The following CYP2C18 variants were observed in gnomAD, a reference collection of about 807,000 sequenced individuals.
The protein encoded by CYP2C18 is cytochrome P450 2C18.
A neutral mutation model predicts 41.3 loss-of-function variants in CYP2C18; 38 were observed. The observed-to-expected ratio is 0.92, with a 90% CI of 0.71 to 1.21. The LOEUF (loss-of-function observed/expected upper bound fraction) is 1.21, where lower values mean the gene tolerates loss of function less well. Among genes scored for constraint, CYP2C18 ranks in the 50% most tolerant of loss-of-function variants. The pLI is 0.00. For synonymous variants in CYP2C18, 236 were observed against 210.0 expected (o/e 1.12, Z -1.07); for missense variants, 635 against 591.4 (o/e 1.07, Z -0.77).
chr10:94,699,526 G>T (rs190005280), intron 4 of CYP2C18, among the ~76,000 whole-genome samples: 1 of 152,070 alleles, frequency 6.6e-6, no homozygotes, highest in Admixed American at 6.6e-5. Flanking sequence ...TGATCATACC[G>T]AATGGGCACA....
chr10:94,706,983 G>A (rs1564642871), intron 5 of CYP2C18, 23 bp downstream of exon 5: 13 of 1,590,354 alleles, frequency 8.2e-6, no homozygotes, highest in Non-Finnish European at 8.5e-6. Flanking sequence ...TTGTTTGCCT[G>A]CATCTTGTGG....
chr10:94,702,431 C>T (rs1173667111), intron 4 of CYP2C18, among the ~76,000 whole-genome samples: 1 of 151,880 alleles, frequency 6.6e-6, no homozygotes, highest in African/African-American at 2.4e-5. Flanking sequence ...TTTGTTCGCT[C>T]CTTTTCATTC....
chr10:94,698,048 C>T (rs1298009395), intron 4 of CYP2C18, among the ~76,000 whole-genome samples: 1 of 152,120 alleles, frequency 6.6e-6, no homozygotes, highest in Non-Finnish European at 1.5e-5. Flanking sequence ...TTTAACACCC[C>T]ACTGTCAACA....
intron 3 of CYP2C18, among the ~76,000 whole-genome samples, chr10:94,691,097 C>G (rs1163661489): frequency 6.6e-6 from 1 of 152,150 alleles, no homozygotes; most frequent in African/African-American, 2.4e-5. Flanking sequence ...GAAGCATTCC[C>G]TTTGAAAACT....
chr10:94,720,544 T>C lies in CYP2C18; in HGVS notation c.961+7T>C, dbSNP rs1217066346. ...AAGTACCCAGAGGTCACAGGTATGA[T>C]GATACCATAGGTGAGCAGGGTGATT... On this transcript the variant is annotated splice_region_variant and intron_variant, in intron 6 of 8. Transcript: ENST00000285979. 8.1e-6 allele frequency: 13 copies of C among 1,611,740 alleles called. No individual in the cohort carries two copies. The highest frequency in any genetic ancestry group is 1.1e-5 in the Non-Finnish European group (13 of 1,178,850).
chr10:94,704,087 G>T (rs1847293400), intron 4 of CYP2C18, among the ~76,000 whole-genome samples: 1 of 152,102 alleles, frequency 6.6e-6, no homozygotes, highest in South Asian at 2.1e-4. Flanking sequence ...CCAGTGAGAT[G>T]AACCGGGCAC....
chr10:94,726,865 T>A (rs117496532), intron 7 of CYP2C18, among the ~76,000 whole-genome samples: 1 of 152,210 alleles, frequency 6.6e-6, no homozygotes, highest in East Asian at 1.9e-4. Context: ...TATAAAGAAA[T>A]AAAATAATGA....
At chr10:94,698,623 C>G (rs537038889) in intron 4 of CYP2C18, among the ~76,000 whole-genome samples, 2 of 152,222 alleles carry the variant, frequency 1.3e-5, no homozygotes, top group East Asian at 3.9e-4. Flanking sequence ...CAAGAAATAA[C>G]TAAGATCAGA....
intron 5 of CYP2C18, among the ~76,000 whole-genome samples, chr10:94,708,637 A>G (rs1204240141): frequency 6.6e-6 from 1 of 152,188 alleles, no homozygotes; most frequent in Non-Finnish European, 1.5e-5. Flanking sequence ...ATACAATTCA[A>G]CAGTTTTAGT....
chr10:94,707,397 G>C (rs1564642989), intron 5 of CYP2C18, among the ~76,000 whole-genome samples: 4 of 152,112 alleles, frequency 2.6e-5, no homozygotes. Context: ...GTGCAGAACA[G>C]TGTGATGACA....
intron 5 of CYP2C18, among the ~76,000 whole-genome samples, chr10:94,715,721 C>G (rs1053191422): frequency 1.3e-5 from 2 of 152,286 alleles, no homozygotes; most frequent in East Asian, 3.9e-4. Context: ...AGGATTCCCT[C>G]TTTTTCTATT....
At chr10:94,713,098 A>G (rs777996714) in intron 5 of CYP2C18, among the ~76,000 whole-genome samples, 1 of 152,054 alleles carries the variant, frequency 6.6e-6, no homozygotes, top group African/African-American at 2.4e-5. Flanking sequence ...CTGTGTGTAT[A>G]TAGTTTTTAA....
chr10:94,707,680 A>AT (rs1471721384), intron 5 of CYP2C18, among the ~76,000 whole-genome samples: 1 of 152,198 alleles, frequency 6.6e-6, no homozygotes, highest in African/African-American at 2.4e-5. Flanking sequence ...CATTTCATAT[A>AT]TTTGAAGTTC....
intron 7 of CYP2C18, among the ~76,000 whole-genome samples, chr10:94,726,201 ATTT>A (rs5787120): frequency 6.6e-6 from 1 of 150,528 alleles, no homozygotes; most frequent in African/African-American, 2.4e-5. Flanking sequence ...TTTTTTTTCA[ATTT>A]TTTTTTTATT....
At chr10:94,714,125 G>T (rs1402252752) in intron 5 of CYP2C18, among the ~76,000 whole-genome samples, 1 of 151,944 alleles carries the variant, frequency 6.6e-6, no homozygotes, top group East Asian at 1.9e-4. Flanking sequence ...CATTCTTTAG[G>T]TTGCCTATTC....
chr10:94,701,108 C>T (rs1235294168), intron 4 of CYP2C18, among the ~76,000 whole-genome samples: 2 of 152,210 alleles, frequency 1.3e-5, no homozygotes, highest in African/African-American at 4.8e-5. Context: ...ACCCAGCCTT[C>T]CCATTACTGG....
At chr10:94,684,407 G>C (rs778960688) in intron 1 of CYP2C18, among the ~76,000 whole-genome samples, 6 of 152,050 alleles carry the variant, frequency 3.9e-5, no homozygotes, top group Non-Finnish European at 7.4e-5. Flanking sequence ...ACTTCTCTGA[G>C]TTTAACTTTT....
At chr10:94,727,668 A>G (rs868227796) in intron 7 of CYP2C18, among the ~76,000 whole-genome samples, 1 of 152,198 alleles carries the variant, frequency 6.6e-6, no homozygotes, top group Middle Eastern at 3.4e-3. Flanking sequence ...ATTCAATTAT[A>G]TGGTATCTCC....
intron 4 of CYP2C18, among the ~76,000 whole-genome samples, chr10:94,698,497 GT>G (rs1262313682): frequency 6.6e-6 from 1 of 152,072 alleles, no homozygotes; most frequent in Non-Finnish European, 1.5e-5. Context: ...AGAGGGAAAT[GT>G]ATAGCACTAA....
Sources: gnomAD v4.1 joint callset for allele counts (sites outside exome capture counted in the v4.1 genomes callset) on GRCh38, gnomAD v4.1.1 for gene constraint, MANE v1.5 for transcripts, NCBI Gene and HGNC (gene_info 2026-07-23, HGNC 2026-07-21) for gene names.